BFSP1: variants seen among roughly 807,000 people sequenced by gnomAD.
BFSP1 encodes the protein beaded filament structural protein 1.
In BFSP1, 38 loss-of-function variants were observed where a neutral mutation model predicts 43.9. The ratio of observed to expected loss-of-function variants is 0.87; its 90% CI spans 0.67 to 1.14. The LOEUF is 1.14. BFSP1 is among the 50% of genes most tolerant of loss of function. The probability of loss-of-function intolerance (pLI) is 0.00; values close to 1 mark genes in which losing one functional copy is unlikely to be tolerated. For missense variants in BFSP1, 850 were observed against 875.1 expected (o/e 0.97, Z 0.36); for synonymous variants, 352 against 354.8 (o/e 0.99, Z 0.09).
intron 2 of BFSP1, chr20:17,516,766 T>C: frequency 2.6e-6 from 1 of 388,046 alleles, no homozygotes. Flanking sequence ...AATTAGTCAA[T>C]GTGCAACCCT....
chr20:17,527,723 G>C (rs906399662), intron 1 of BFSP1, among the ~76,000 whole-genome samples: 6 of 145,818 alleles, frequency 4.1e-5, no homozygotes, highest in African/African-American at 1.6e-4. Flanking sequence ...GCGAGACTCT[G>C]TATCAAAAAA....
chr20:17,505,837 C>A (rs1429525087), intron 5 of BFSP1, among the ~76,000 whole-genome samples: 6 of 152,168 alleles, frequency 3.9e-5, no homozygotes, highest in Admixed American at 2.6e-4. Flanking sequence ...GAGTCAGGAG[C>A]TCCCGGGCGC....
At chr20:17,508,645 G>A (rs1210162604) in intron 5 of BFSP1, among the ~76,000 whole-genome samples, 1 of 152,160 alleles carries the variant, frequency 6.6e-6, no homozygotes, top group East Asian at 1.9e-4. Context: ...CACCTCTGAG[G>A]GGCCAGGAAT....
At chr20:17,557,666 T>C (rs1442149503) in intron 1 of BFSP1, among the ~76,000 whole-genome samples, 1 of 152,234 alleles carries the variant, frequency 6.6e-6, no homozygotes, top group African/African-American at 2.4e-5. Flanking sequence ...TGCTGTTTTA[T>C]TTGAAGCATA....
At chr20:17,558,469 C>T (rs55661124) in intron 1 of BFSP1, among the ~76,000 whole-genome samples, 1 of 152,156 alleles carries the variant, frequency 6.6e-6, no homozygotes, top group Non-Finnish European at 1.5e-5. Flanking sequence ...ATATGCACTT[C>T]TTGTTTCTTG....
chr20:17,568,943 CG>C (rs2035155793), intron 1 of BFSP1, among the ~76,000 whole-genome samples: 1 of 152,146 alleles, frequency 6.6e-6, no homozygotes, highest in Non-Finnish European at 1.5e-5. Flanking sequence ...CAAAAACACC[CG>C]CAGCAAAAAC....
chr20:17,524,687 A>G (rs1176148921), intron 2 of BFSP1, among the ~76,000 whole-genome samples, 161 bp downstream of exon 2: 1 of 152,144 alleles, frequency 6.6e-6, no homozygotes, highest in Non-Finnish European at 1.5e-5. Context: ...GTTCACTCAT[A>G]AAGACTCAAT....
intron 5 of BFSP1, among the ~76,000 whole-genome samples, chr20:17,505,458 G>A (rs1352443159): frequency 6.6e-6 from 1 of 152,216 alleles, no homozygotes; most frequent in Non-Finnish European, 1.5e-5. Flanking sequence ...AGCTTCGGAC[G>A]CCCTAACCAT....
At chr20:17,560,210 T>C (rs1166808712), upstream of BFSP1, 1 of 152,188 alleles carries the variant, frequency 6.6e-6, no homozygotes, top group Non-Finnish European at 1.5e-5. Context: ...CTTATGTATC[T>C]TGGTCCATAG....
At chr20:17,541,223 G>C in intron 1 of BFSP1, 1 of 969,970 alleles carries the variant, frequency 1.0e-6, no homozygotes, top group Non-Finnish European at 1.2e-6. Flanking sequence ...AATAATTAGT[G>C]AATATTAGAT....
upstream of BFSP1, among the ~76,000 whole-genome samples, chr20:17,535,759 A>T (rs905173836): frequency 6.6e-6 from 1 of 152,156 alleles, no homozygotes; most frequent in Admixed American, 6.5e-5. Flanking sequence ...ACCTGCAAAA[A>T]GTGTGATCAC....
intron 1 of BFSP1, among the ~76,000 whole-genome samples, chr20:17,546,807 C>T (rs1455674524): frequency 4.6e-5 from 7 of 151,726 alleles, no homozygotes; most frequent in South Asian, 2.1e-4. Context: ...AGGTGGATCT[C>T]GAGGTCAGGA....
intron 2 of BFSP1, among the ~76,000 whole-genome samples, chr20:17,516,235 G>A (rs1256689850): frequency 2.0e-5 from 3 of 152,166 alleles, no homozygotes; most frequent in Non-Finnish European, 4.4e-5. Flanking sequence ...GCTGAGGCAG[G>A]AGAATCACTT....
At chr20:17,529,122 GAGTGC>G (rs947648830) in intron 1 of BFSP1, among the ~76,000 whole-genome samples, 1 of 148,114 alleles carries the variant, frequency 6.8e-6, no homozygotes, top group Admixed American at 6.6e-5. Flanking sequence ...ACCCAGGCTG[GAGTGC>G]AGTGGCGCAA....
At chr20:17,532,599 A>G (rs2034565998), upstream of BFSP1, among the ~76,000 whole-genome samples, 1 of 151,852 alleles carries the variant, frequency 6.6e-6, no homozygotes, top group Non-Finnish European at 1.5e-5. Flanking sequence ...ATAATAAAGG[A>G]TTTTGTGCCA....
chr20:17,516,383 G>C (rs78229364), intron 2 of BFSP1, among the ~76,000 whole-genome samples: 9,517 of 152,140 alleles, frequency 0.063, 343 homozygotes, highest in Non-Finnish European at 0.074. Flanking sequence ...TTCCTTAATT[G>C]CTCTTGTGAA....
At chr20:17,495,477 G>A (rs1290243892) in intron 7 of BFSP1, among the ~76,000 whole-genome samples, 1 of 152,172 alleles carries the variant, frequency 6.6e-6, no homozygotes, top group Admixed American at 6.5e-5. Flanking sequence ...AAGGAGAGAC[G>A]ACAGAGCTAC....
At chr20:17,529,713 C>A (rs1032216598) in intron 1 of BFSP1, among the ~76,000 whole-genome samples, 1 of 152,216 alleles carries the variant, frequency 6.6e-6, no homozygotes, top group African/African-American at 2.4e-5. Context: ...TATTGCAGAT[C>A]CTGCTGCAGT....
At chr20:17,528,320 T>A (rs1214175998) in intron 1 of BFSP1, among the ~76,000 whole-genome samples, 3 of 152,232 alleles carry the variant, frequency 2.0e-5, no homozygotes, top group African/African-American at 7.2e-5. Context: ...CAGAACCAAG[T>A]GCAATCAGTA....
Sources: allele counts gnomAD v4.1 joint callset (sites outside exome capture counted in the v4.1 genomes callset), GRCh38; gene constraint gnomAD v4.1.1; transcripts MANE v1.5; gene names NCBI Gene and HGNC (gene_info 2026-07-23, HGNC 2026-07-21).